The following KANK1 variants were observed in gnomAD, a reference collection of about 807,000 sequenced individuals.
The protein encoded by KANK1 is KN motif and ankyrin repeat domains 1, also known as KN motif and ankyrin repeat domain-containing protein 1.
A neutral mutation model predicts 106.2 loss-of-function variants in KANK1; 109 were observed. The ratio of observed to expected loss-of-function variants is 1.03; its 90% CI spans 0.88 to 1.20. The LOEUF (loss-of-function observed/expected upper bound fraction) is 1.20, where lower values mean the gene tolerates loss of function less well. Ranked by LOEUF, KANK1 falls within the 50% of genes most tolerant of loss-of-function variation. KANK1 has a pLI of 0.00. For missense variants in KANK1, 2,399 were observed against 1,710.7 expected (o/e 1.40, Z -7.10); for synonymous variants, 873 against 652.2 (o/e 1.34, Z -5.16).
intron 1 of KANK1, among the ~76,000 whole-genome samples, chr9:562,101 G>A (rs1262775710): frequency 2.9e-5 from 4 of 137,572 alleles, no homozygotes; most frequent in Non-Finnish European, 4.6e-5. Flanking sequence ...GCCGGACTGC[G>A]GACTGCAGTG....
rs548061844 is a variant in KANK1, at chr9:515,284, G to A, written c.-84+10530G>A. ...GGCGTGAACCCAGGAGGCGGAGCTT[G>A]CAGTGAGCCGAGATCGTGCCACTGC... On this transcript the variant is annotated intron_variant, in intron 1 of 11. Transcript: ENST00000382297. Among the ~76,000 whole-genome samples the A allele has an allele frequency of 6.6e-5, 10 of 150,832 alleles. No individual in the cohort carries two copies. The South Asian group carries it at 1.5e-3, about 22-fold the overall frequency.
chr9:634,737 C>CAGA (rs1297723105), intron 1 of KANK1, among the ~76,000 whole-genome samples: 1 of 152,178 alleles, frequency 6.6e-6, no homozygotes, highest in Non-Finnish European at 1.5e-5. Context: ...AGGAATGAAC[C>CAGA]AGCCTGTGAG....
At chr9:583,325 A>G (rs906906026) in intron 1 of KANK1, among the ~76,000 whole-genome samples, 1 of 152,208 alleles carries the variant, frequency 6.6e-6, no homozygotes, top group African/African-American at 2.4e-5. Context: ...GGTTCATCAT[A>G]AGGACTGAGA....
chr9:620,580 T>A (rs1003429083), intron 1 of KANK1, among the ~76,000 whole-genome samples: 12 of 151,820 alleles, frequency 7.9e-5, no homozygotes, highest in African/African-American at 2.9e-4. Context: ...TTTTTTGGTA[T>A]TTTTTTAGTA....
At chr9:691,147 T>G (rs1323165938) in intron 2 of KANK1, among the ~76,000 whole-genome samples, 3 of 152,148 alleles carry the variant, frequency 2.0e-5, no homozygotes, top group Non-Finnish European at 4.4e-5. Context: ...TTTATTTGCA[T>G]ACAATGACTT....
chr9:719,964 G>C (rs748395063), intron 3 of KANK1, among the ~76,000 whole-genome samples: 10 of 152,154 alleles, frequency 6.6e-5, no homozygotes, highest in Non-Finnish European at 1.2e-4. Context: ...TTCATTTTAA[G>C]TGGCTTGTTT....
intron 1 of KANK1, among the ~76,000 whole-genome samples, chr9:543,170 A>G (rs1393049991): frequency 2.6e-5 from 4 of 152,172 alleles, no homozygotes; most frequent in South Asian, 2.1e-4. Flanking sequence ...AAGTGGGAGG[A>G]AAAGTGATAA....
At chr9:729,976 C>A in intron 3 of KANK1, 75 bp from the exon 4 acceptor site, 4 of 1,281,020 alleles carry the variant, frequency 3.1e-6, no homozygotes, top group African/African-American at 1.5e-5. Context: ...TTATGAGTGG[C>A]AAGAATTGTT....
At chr9:630,443 C>G (rs1485494829) in intron 1 of KANK1, among the ~76,000 whole-genome samples, 1 of 151,250 alleles carries the variant, frequency 6.6e-6, no homozygotes, top group Non-Finnish European at 1.5e-5. Context: ...CCCAGCTACT[C>G]GGGAGGCTGA....
chr9:705,877 A>G (rs1823995940), intron 2 of KANK1, among the ~76,000 whole-genome samples: 1 of 152,118 alleles, frequency 6.6e-6, no homozygotes, highest in Non-Finnish European at 1.5e-5. Flanking sequence ...CTGGGATTAC[A>G]GGCATGAGCC....
intron 1 of KANK1, among the ~76,000 whole-genome samples, chr9:521,242 T>G (rs568553270): frequency 6.6e-6 from 1 of 151,870 alleles, no homozygotes; most frequent in East Asian, 1.9e-4. Flanking sequence ...AGATTCTTTT[T>G]GTGGGGGATC....
chr9:482,117 A>G lies in KANK1; in HGVS notation c.-362+8844A>G, dbSNP rs1249176899. The stretch of plus-strand genomic sequence containing the variant: ...ACAGTTCCCACAGCTGGGCCCTACC[A>G]CCTGCAGTCAGAGCCCTTAGCGCTC... On this transcript the variant is annotated intron_variant, in intron 3 of 15. Transcript: ENST00000382303. Among the ~76,000 whole-genome samples the G allele has an allele frequency of 3.3e-5, 5 of 152,090 alleles. 1 individual carries two copies. The highest frequency in any genetic ancestry group is 1.2e-4 in the African/African-American group (5 of 41,402).
intron 2 of KANK1, among the ~76,000 whole-genome samples, chr9:706,104 A>G (rs1307475901): frequency 2.6e-5 from 4 of 152,284 alleles, no homozygotes; most frequent in African/African-American, 9.6e-5. Context: ...TTGTAGAATA[A>G]TTTTTACCAT....
intron 3 of KANK1, among the ~76,000 whole-genome samples, chr9:715,125 G>C (rs1419591311): frequency 6.6e-6 from 1 of 152,110 alleles, no homozygotes; most frequent in Non-Finnish European, 1.5e-5. Context: ...CTGTGCTATA[G>C]GACAGTTAGT....
chr9:735,835 A>C, intron 7 of KANK1: 1 of 348,742 alleles, frequency 2.9e-6, no homozygotes, highest in Non-Finnish European at 6.1e-6. Context: ...CTCTACTAAA[A>C]ATACAAAAAG....
chr9:546,566 T>G (rs932568793), intron 1 of KANK1, among the ~76,000 whole-genome samples: 1 of 152,110 alleles, frequency 6.6e-6, no homozygotes, highest in Non-Finnish European at 1.5e-5. Flanking sequence ...GTTTTCACCT[T>G]GCCTCTCCTA....
chr9:686,027 A>C (rs940377866), intron 2 of KANK1, among the ~76,000 whole-genome samples: 25 of 152,086 alleles, frequency 1.6e-4, no homozygotes, highest in Non-Finnish European at 1.5e-4. Context: ...AGAAAGGGGG[A>C]AGAATATTCC....
chr9:549,182 T>C (rs2061119101), intron 1 of KANK1: 1 of 152,180 alleles, frequency 6.6e-6, no homozygotes, highest in South Asian at 2.1e-4. Context: ...TCACTCTTCC[T>C]TTGACAGTCC....
intron 1 of KANK1, among the ~76,000 whole-genome samples, chr9:529,876 T>C (rs1173765828): frequency 6.6e-6 from 1 of 152,256 alleles, no homozygotes; most frequent in Non-Finnish European, 1.5e-5. Context: ...TCATGGAAGC[T>C]GTGCTAACTT....
Sources: allele counts gnomAD v4.1 joint callset (sites outside exome capture counted in the v4.1 genomes callset), GRCh38; gene constraint gnomAD v4.1.1; transcripts MANE v1.5; gene names NCBI Gene and HGNC (gene_info 2026-07-23, HGNC 2026-07-21).